Variants in DDX17 observed in about 807,000 individuals in gnomAD.
DDX17 encodes DEAD-box helicase 17, also known as probable ATP-dependent RNA helicase DDX17.
Under a neutral mutation model 80.8 loss-of-function variants are expected in DDX17, and 10 were observed. The observed-to-expected ratio is 0.12, with a 90% CI of 0.08 to 0.21. The LOEUF (loss-of-function observed/expected upper bound fraction) is 0.21, where lower values mean the gene tolerates loss of function less well. Among genes scored for constraint, DDX17 ranks in the 10% least tolerant of loss-of-function variants. DDX17 has a pLI of 1.00. For synonymous variants in DDX17, 339 were observed against 336.2 expected, an observed-to-expected ratio of 1.01 and a Z score of -0.09; for missense variants, 586 against 957.4, an observed-to-expected ratio of 0.61 and a Z score of 5.12.
At chr22:38,502,176 G>A (rs1385527451) in intron 1 of DDX17, among the ~76,000 whole-genome samples, 3 of 152,126 alleles carry the variant, frequency 2.0e-5, no homozygotes, top group African/African-American at 4.8e-5. Context: ...TTTGGGAGGC[G>A]GAGGCCAGTG....
chr22:38,489,397 G>A lies in DDX17; in HGVS notation c.1448-1282C>T, dbSNP rs566320822. On this transcript the variant is annotated intron_variant, in intron 11 of 12. Coordinates refer to ENST00000403230, the MANE Select transcript of DDX17 (RefSeq NM_006386.5). The surrounding 1 kb of genome is among the most constrained non-coding windows in gnomAD (Gnocchi z 4.6). Reference sequence around the variant, plus strand: ...CAGTGAGAAGTCCCCACACACGCTCGCTCTGTGAACTGGCTTAGATGCTTC... The same window carrying A: ...CAGTGAGAAGTCCCCACACACGCTCACTCTGTGAACTGGCTTAGATGCTTC... 26 of 985,750 alleles carry A rather than the reference G, an allele frequency of 2.6e-5. No individual in the cohort carries two copies. The highest frequency in any genetic ancestry group is 1.1e-4 in the East Asian group (1 of 8,818). The allele number at this position is 985,750 out of a possible 1,614,324, so 61.1% of individuals were successfully genotyped here. A position where few individuals can be genotyped will look rare whatever the true frequency, so the allele number is the denominator to read the frequency against.
At position 38,506,143 on chromosome 22, in the gene DDX17, G is replaced by A. The variant is rs2089881699; in HGVS notation, c.95C>T (p.Ala32Val). Reference sequence around the variant, plus strand: ...AGGCGCAGCGCTCTCTCGCTCCGACGCGCTGTCTCCCGTCGCAGACGCCAC... The same window carrying A: ...AGGCGCAGCGCTCTCTCGCTCCGACACGCTGTCTCCCGTCGCAGACGCCAC... The change falls in exon 1 of 13, where the codon GCG becomes GTG. Residue 32 changes from alanine (A) to valine (V), a missense_variant. Around this residue, in one of 4 missense-constraint regions of DDX17, gnomAD observed 215 missense variants for 238.4 expected, o/e 0.90. Coordinates refer to ENST00000403230, the MANE Select transcript of DDX17 (RefSeq NM_006386.5). The A allele has an allele frequency of 6.3e-7, 1 of 1,582,940 alleles. No individual in the cohort carries two copies. The highest frequency in any genetic ancestry group is 1.9e-5 in the Admixed American group (1 of 53,738).
chr22:38,491,931 C>T, intron 11 of DDX17, 125 bp downstream of exon 11: 1 of 609,294 alleles, frequency 1.6e-6, no homozygotes, highest in Non-Finnish European at 2.6e-6. Flanking sequence ...GTATTTTTTT[C>T]TTTCAAATAT....
intron 2 of DDX17, 60 bp downstream of exon 2, chr22:38,501,070 C>G: frequency 6.4e-7 from 1 of 1,557,726 alleles, no homozygotes; most frequent in Non-Finnish European, 8.7e-7. Flanking sequence ...TGAATAAACT[C>G]TAACCAATAT....
At chr22:38,494,502 C>T in intron 8 of DDX17, 128 bp downstream of exon 8, 2 of 825,172 alleles carry the variant, frequency 2.4e-6, no homozygotes, top group South Asian at 3.7e-5. Context: ...GATGGATTAT[C>T]AGAAACCTAG....
intron 1 of DDX17, among the ~76,000 whole-genome samples, chr22:38,504,414 A>G (rs2089859756): frequency 6.6e-6 from 1 of 152,196 alleles, no homozygotes; most frequent in Non-Finnish European, 1.5e-5. Flanking sequence ...GTACCTGTGC[A>G]AGGATTTCTC....
At chr22:38,504,116 T>A (rs769169179) in intron 1 of DDX17, among the ~76,000 whole-genome samples, 2 of 152,244 alleles carry the variant, frequency 1.3e-5, no homozygotes, top group South Asian at 2.1e-4. Context: ...TATGTGCCTA[T>A]TTCAAGCTTA....
intron 4 of DDX17, 42 bp downstream of exon 4, chr22:38,498,398 A>G: frequency 6.2e-7 from 1 of 1,610,014 alleles, no homozygotes; most frequent in Non-Finnish European, 8.5e-7. Context: ...ATAGCAAAAT[A>G]AGTTACCACA....
At chr22:38,497,975 C>A in intron 5 of DDX17, 110 bp downstream of exon 5, 1 of 979,888 alleles carries the variant, frequency 1.0e-6, no homozygotes, top group Non-Finnish European at 1.6e-6. Flanking sequence ...CCATTTCCAC[C>A]TATGGAGGGT....
rs1331601403 is a variant in DDX17, at chr22:38,498,141, G to T, written c.682C>A (p.Pro228Thr). Reference sequence around the variant, plus strand: ...TGGTGGTTAATATGAACAATTGCAGGCAGGAGATACTGTGGAGGGGGGAAA... The same window carrying T: ...TGGTGGTTAATATGAACAATTGCAGTCAGGAGATACTGTGGAGGGGGGAAA... Residue 228 changes from proline (P) to threonine (T), a missense_variant, in exon 5 of 13, where the codon CCT (proline) becomes ACT (threonine). Around this residue, in one of 4 missense-constraint regions of DDX17, gnomAD observed 141 missense variants for 379.3 expected, o/e 0.37. Transcript: ENST00000403230. 1 of 1,614,046 alleles carries T rather than the reference G, an allele frequency of 6.2e-7. No homozygotes were observed. Among genetic ancestry groups the T allele is most frequent in the Non-Finnish European group, 8.5e-7 (1 of 1,179,976 alleles).
chr22:38,503,359 G>T (rs1308789667), intron 1 of DDX17, among the ~76,000 whole-genome samples: 2 of 151,936 alleles, frequency 1.3e-5, no homozygotes, highest in Non-Finnish European at 2.9e-5. Context: ...TAGTGACTTA[G>T]GAAAAAATAA....
Position 38,501,002 on chromosome 22 carries a change from T to A in DDX17, c.438+128A>T, listed in dbSNP as rs561445675. On this transcript the variant is annotated intron_variant, in intron 2 of 12. Transcript: ENST00000403230. ...AAAAAAAAAAAAATTAACCAAAAAA[T>A]TTTTTAAGAAAAATATCACCACACT... 202 of 1,262,862 alleles carry A rather than the reference T, an allele frequency of 1.6e-4. 2 individuals are homozygous for A. The South Asian group carries it at 2.6e-3, about 16-fold the overall frequency. 78.2% of individuals were successfully genotyped at this position (1,262,862 alleles called of 1,614,324 possible).
rs752513018 is a variant in DDX17 at position 38,499,452 on chromosome 22, C to T, written c.486G>A (p.Gly162=). Residue 162 remains glycine, a synonymous_variant, in exon 3 of 13, where the codon GGG becomes GGA. Coordinates refer to ENST00000403230, the MANE Select transcript of DDX17 (RefSeq NM_006386.5). ...ACACGGGTTTAGGACAAACATCTCC[C>T]CCCCTCACTGTAATCTCCTTCTTTC... is the stretch of plus-strand genomic sequence containing the variant. The T allele has an allele frequency of 1.9e-6, 3 of 1,614,016 alleles. No homozygotes were observed.
chr22:38,498,671 C>T, intron 3 of DDX17, 98 bp from the exon 4 acceptor site: 2 of 1,293,506 alleles, frequency 1.5e-6, no homozygotes, highest in Non-Finnish European at 2.2e-6. Context: ...TAAGATTTAC[C>T]CAGCTTCATC....
chr22:38,498,429 C>T lies in DDX17; in HGVS notation c.672+11G>A, dbSNP rs769809996. ...CCACAATATCAAGGATCTTCTCTTG[C>T]TCATACATACCGCCAACGTCTTCCC... is the stretch of plus-strand genomic sequence containing the variant. On this transcript the variant is annotated intron_variant, in intron 4 of 12. Transcript: ENST00000403230. 3.1e-6 allele frequency: 5 copies of T among 1,613,984 alleles called. No homozygotes were observed. The highest frequency in any genetic ancestry group is 2.2e-5 in the East Asian group (1 of 44,896).
intron 4 of DDX17, 126 bp downstream of exon 4, chr22:38,498,314 A>G (rs774608323): frequency 2.1e-6 from 3 of 1,435,548 alleles, no homozygotes; most frequent in Non-Finnish European, 2.8e-6. Context: ...GCTTCCATAT[A>G]TTTAATAACT....
Position 38,500,748 on chromosome 22 carries a change from C to A in DDX17, c.438+382G>T, listed in dbSNP as rs764123521. Among the ~76,000 whole-genome samples the A allele has an allele frequency of 7.4e-5, 10 of 134,968 alleles. No homozygotes were observed. The Admixed American group carries it at 8.8e-4, about 12-fold the overall frequency. 88.5% of individuals were successfully genotyped at this position (134,968 alleles called of 152,430 possible). On this transcript the variant is annotated intron_variant, in intron 2 of 12. Coordinates refer to ENST00000403230, the MANE Select transcript of DDX17 (RefSeq NM_006386.5). The stretch of plus-strand genomic sequence containing the variant: ...AGTAGAATCGCTTGAACCCAGGAGG[C>A]GGAGGTTGCAGTGAGCCAAGATCAC...
In DDX17 at chr22:38,506,153, C is replaced by T. The variant is rs1569145190; in HGVS notation, c.85G>A (p.Gly29Arg). The change falls in exon 1 of 13, where the codon GGA becomes AGA. Residue 29 changes from glycine (G) to arginine (R), a missense_variant. Gly to Arg is a moderately radical substitution (Grantham distance 125, BLOSUM62 -2). This residue lies in a region of DDX17 where 215 missense variants were observed against 238.4 expected (regional missense o/e 0.90). Coordinates refer to ENST00000403230, the MANE Select transcript of DDX17 (RefSeq NM_006386.5). Reference sequence around the variant, plus strand: ...CTCTCTCGCTCCGACGCGCTGTCTCCCGTCGCAGACGCCACCGTCGCCGCC... The same window carrying T: ...CTCTCTCGCTCCGACGCGCTGTCTCTCGTCGCAGACGCCACCGTCGCCGCC... 1.9e-6 allele frequency: 3 copies of T among 1,587,786 alleles called. No homozygotes were observed. The highest frequency in any genetic ancestry group is 2.6e-6 in the Non-Finnish European group (3 of 1,168,612).
chr22:38,497,626 A>AAAAAAAAG (rs1387004817), intron 5 of DDX17, among the ~76,000 whole-genome samples: 4 of 149,404 alleles, frequency 2.7e-5, no homozygotes, highest in African/African-American at 4.9e-5. Flanking sequence ...CTCCAAAAAA[A>AAAAAAAAG]AAAAAAAAAA....
Sources: gnomAD v4.1 joint callset for allele counts (sites outside exome capture counted in the v4.1 genomes callset) on GRCh38, gnomAD v4.1.1 for gene constraint, gnomAD v4.1.1 regional missense constraint, Gnocchi (gnomAD v3.1) non-coding constraint, MANE v1.5 for transcripts, NCBI Gene and HGNC (gene_info 2026-07-23, HGNC 2026-07-21) for gene names.